The following COL19A1 variants were observed in gnomAD, a reference collection of about 807,000 sequenced individuals.
The protein encoded by COL19A1 is collagen alpha-1(XIX) chain.
Under a neutral mutation model 190.2 loss-of-function variants are expected in COL19A1, and 159 were observed. The observed-to-expected ratio is 0.84, with a 90% confidence interval of 0.73 to 0.95. The LOEUF is 0.95. Ranked by LOEUF, COL19A1 falls within the 40% of genes least tolerant of loss-of-function variation. The probability of loss-of-function intolerance (pLI) is 0.00; values close to 1 mark genes in which losing one functional copy is unlikely to be tolerated. For missense variants in COL19A1, 1,418 were observed against 1,431.9 expected, an observed-to-expected ratio of 0.99 and a Z score of 0.16; for synonymous variants, 509 against 458.9, an observed-to-expected ratio of 1.11 and a Z score of -1.39.
In COL19A1 at chr6:70,204,430, G is replaced by C. The variant is rs185696151; in HGVS notation, c.3224-2471G>C. On this transcript the variant is annotated intron_variant, in intron 49 of 50. Transcript: ENST00000620364. ...AAATTCAAGAGTAGAAAGTACTTGTGCAATTCAGTCGCTTTATCTATTAAT... is the reference window on the plus strand; with the variant it reads ...AAATTCAAGAGTAGAAAGTACTTGTCCAATTCAGTCGCTTTATCTATTAAT... Among the ~76,000 whole-genome samples, 550 of 152,260 alleles carry C rather than the reference G, an allele frequency of 3.6e-3. 6 individuals are homozygous for C. Among genetic ancestry groups the C allele is most frequent in the Middle Eastern group, 0.034 (10 of 294 alleles).
intron 34 of COL19A1, among the ~76,000 whole-genome samples, chr6:70,160,355 AC>A (rs1355975869): frequency 6.6e-6 from 1 of 151,704 alleles, no homozygotes; most frequent in African/African-American, 2.4e-5. Context: ...GGGGAAAACC[AC>A]CCCCATGATC....
chr6:69,960,464 A>G (rs901484372), intron 10 of COL19A1, among the ~76,000 whole-genome samples: 1 of 152,162 alleles, frequency 6.6e-6, no homozygotes, highest in South Asian at 2.1e-4. Flanking sequence ...ATAAAATATT[A>G]TATATTACAA....
In COL19A1 at chr6:70,094,888, T is replaced by C. The variant is rs957770231; in HGVS notation, c.1225-7281T>C. On this transcript the variant is annotated intron_variant, in intron 15 of 50. Transcript: ENST00000620364. ...AAATAAAATCATTCCATTGTGGGAATCTCCTGGCTTCATTTTTAAAAGTTA... is the reference window on the plus strand; with the variant it reads ...AAATAAAATCATTCCATTGTGGGAACCTCCTGGCTTCATTTTTAAAAGTTA... 9.9e-5 allele frequency among the ~76,000 whole-genome samples: 15 copies of C among 152,168 alleles called. 1 individual carries two copies. The highest frequency in any genetic ancestry group is 3.2e-3 in the Middle Eastern group (1 of 316).
At chr6:70,175,221 T>C (rs1765732018) in intron 41 of COL19A1, among the ~76,000 whole-genome samples, 1 of 152,200 alleles carries the variant, frequency 6.6e-6, no homozygotes, top group African/African-American at 2.4e-5. Flanking sequence ...CTATCTCATG[T>C]GTTGGAGTTT....
chr6:70,168,308 C>T (rs573902317), intron 39 of COL19A1, 93 bp downstream of exon 39: 104 of 1,362,796 alleles, frequency 7.6e-5, no homozygotes, highest in Middle Eastern at 3.8e-4. Context: ...CTGAAAAACG[C>T]ATGTTATGAA....
At chr6:70,157,758 G>A (rs1304971265) in intron 34 of COL19A1, among the ~76,000 whole-genome samples, 3 of 152,058 alleles carry the variant, frequency 2.0e-5, no homozygotes, top group East Asian at 1.9e-4. Context: ...TTTTACTAAA[G>A]TACAAGCACA....
Position 70,140,973 on chromosome 6 carries a change from G to A in COL19A1, c.1466G>A (p.Gly489Glu), listed in dbSNP as rs751938810. 2 of 1,609,254 alleles carry A rather than the reference G, an allele frequency of 1.2e-6. No homozygotes were observed. Among genetic ancestry groups the A allele is most frequent in the South Asian group, 2.2e-5 (2 of 90,752 alleles). ...KGEPGEPFTK[G>E]EKGDRGEPGV... ...CCTTAGGGAGAGCCTTTTACAAAAGGAGAAAAAGGAGATAGAGTAAGTAGA... is the reference window on the plus strand; with the variant it reads ...CCTTAGGGAGAGCCTTTTACAAAAGAAGAAAAAGGAGATAGAGTAAGTAGA... The change falls in exon 20 of 51, where the codon GGA becomes GAA. Residue 489 changes from glycine to glutamate, a missense_variant. Transcript: ENST00000620364.
At chr6:70,019,832 T>A (rs1300221292) in intron 11 of COL19A1, among the ~76,000 whole-genome samples, 1 of 152,142 alleles carries the variant, frequency 6.6e-6, no homozygotes, top group Non-Finnish European at 1.5e-5. Flanking sequence ...TCTTTAATTC[T>A]AGCTTAAATC....
intron 11 of COL19A1, among the ~76,000 whole-genome samples, chr6:69,977,106 A>T (rs1210818501): frequency 6.6e-6 from 1 of 152,182 alleles, no homozygotes; most frequent in African/African-American, 2.4e-5. Flanking sequence ...ATAAAGACAC[A>T]TGCGCACGTA....
At chr6:70,009,745 A>G (rs956998932) in intron 11 of COL19A1, among the ~76,000 whole-genome samples, 3 of 152,184 alleles carry the variant, frequency 2.0e-5, no homozygotes, top group African/African-American at 4.8e-5. Flanking sequence ...ATAGACAAAT[A>G]GACAAATGGG....
At chr6:69,978,104 A>C (rs544304830) in intron 11 of COL19A1, among the ~76,000 whole-genome samples, 1 of 148,914 alleles carries the variant, frequency 6.7e-6, no homozygotes, top group African/African-American at 2.4e-5. Context: ...AGGCCTTGCT[A>C]TCATTCCCTC....
chr6:70,105,397 C>G (rs181881994), intron 16 of COL19A1, among the ~76,000 whole-genome samples: 2 of 152,128 alleles, frequency 1.3e-5, no homozygotes, highest in Admixed American at 1.3e-4. Flanking sequence ...ACCTCGTGAT[C>G]CACTCGCCTC....
intron 8 of COL19A1, 94 bp downstream of exon 8, chr6:69,937,004 C>A: frequency 1.2e-5 from 18 of 1,506,434 alleles, no homozygotes; most frequent in Non-Finnish European, 1.5e-5. Context: ...TGTGTCTTGC[C>A]ATTCAGTGTT....
chr6:70,210,414 CT>C lies in COL19A1; in HGVS notation c.*3144del, dbSNP rs1332542138. 1.3e-5 allele frequency among the ~76,000 whole-genome samples: 2 copies of C among 152,142 alleles called. No individual in the cohort carries two copies. Among genetic ancestry groups the C allele is most frequent in the African/African-American group, 4.8e-5 (2 of 41,442 alleles). On this transcript the variant is annotated 3_prime_UTR_variant, in exon 51 of 51. Transcript: ENST00000620364. The stretch of plus-strand genomic sequence containing the variant: ...TAACACAAACACAGCAAGTTTTAAC[CT>C]TTTAAACTTTTCACTTTGTGAGCAA...
intron 40 of COL19A1, among the ~76,000 whole-genome samples, chr6:70,171,582 A>T (rs1381256899): frequency 6.6e-6 from 1 of 152,180 alleles, no homozygotes; most frequent in Non-Finnish European, 1.5e-5. Flanking sequence ...TAAACAGTTT[A>T]TTCTTATTCT....
chr6:70,178,652 A>T (rs1465460261), intron 42 of COL19A1, among the ~76,000 whole-genome samples: 4 of 152,036 alleles, frequency 2.6e-5, no homozygotes, highest in South Asian at 2.1e-4. Flanking sequence ...CATGATAAAA[A>T]TTTTTTTTCG....
At chr6:69,890,879 A>G (rs1453398079) in intron 2 of COL19A1, 1 of 156,564 alleles carries the variant, frequency 6.4e-6, no homozygotes, top group Non-Finnish European at 1.4e-5. Context: ...CCTCTAAAAA[A>G]GTACATCTAA....
At chr6:70,098,633 G>A (rs1783431524) in intron 15 of COL19A1, 1 of 366,666 alleles carries the variant, frequency 2.7e-6, no homozygotes. Context: ...GTGGCACAAT[G>A]TGTGCGTCTT....
intron 4 of COL19A1, among the ~76,000 whole-genome samples, chr6:69,903,219 AG>A (rs1281377455): frequency 2.0e-5 from 3 of 152,342 alleles, no homozygotes; most frequent in Non-Finnish European, 4.4e-5. Flanking sequence ...TGTCAGTGTT[AG>A]GCTGGACTGC....
Sources: gnomAD v4.1 joint callset for allele counts (sites outside exome capture counted in the v4.1 genomes callset) on GRCh38, gnomAD v4.1.1 for gene constraint, MANE v1.5 for transcripts, NCBI Gene and HGNC (gene_info 2026-07-23, HGNC 2026-07-21) for gene names.